The following GABRA3 variants were observed in gnomAD, a reference collection of about 807,000 sequenced individuals.
The protein encoded by GABRA3 is gamma-aminobutyric acid type A receptor subunit alpha3, also known as gamma-aminobutyric acid receptor subunit alpha-3.
In GABRA3, 10 loss-of-function variants were observed where a neutral mutation model predicts 30.1. That is an observed-to-expected ratio of 0.33 (90% confidence interval 0.20 to 0.56). The LOEUF (loss-of-function observed/expected upper bound fraction) is 0.56. Among genes scored for constraint, GABRA3 ranks in the 20% least tolerant of loss-of-function variants. The pLI is 0.89. For synonymous variants in GABRA3, 151 were observed against 146.8 expected, an observed-to-expected ratio of 1.03 and a Z score of -0.21; for missense variants, 233 against 392.0, an observed-to-expected ratio of 0.59 and a Z score of 3.42.
intron 5 of GABRA3, among the ~76,000 whole-genome samples, chrX:152,238,808 T>C (rs1288847291): frequency 2.8e-5 from 3 of 108,543 alleles, no homozygotes; most frequent in Non-Finnish European, 5.8e-5. Context: ...TCTCTGATGG[T>C]AGTTTGTATT....
Position 152,222,303 on chromosome X carries a change from T to A in GABRA3, c.634+2460A>T, listed in dbSNP as rs1021774337. ...GTTCTGCTTTTTTCTATTTATCAAT[T>A]TTTCAGTCATCTGATCCTGCCTTCT... On this transcript the variant is annotated intron_variant, in intron 6 of 9. Transcript: ENST00000370314. Among the ~76,000 whole-genome samples, 4 of 106,888 alleles carry A rather than the reference T, an allele frequency of 3.7e-5. No individual in the cohort carries two copies. The Admixed American group carries it at 4.1e-4, about 11-fold the overall frequency. 92.8% of individuals were successfully genotyped at this position (106,888 alleles called of 115,157 possible). A position where few individuals can be genotyped will look rare whatever the true frequency, so the allele number is the denominator to read the frequency against.
chrX:152,403,624 T>C (rs1296368801), intron 1 of GABRA3, among the ~76,000 whole-genome samples: 1 of 109,419 alleles, frequency 9.1e-6, no homozygotes, highest in Non-Finnish European at 1.9e-5. Flanking sequence ...GCAAATAGGA[T>C]TTGAAGGGCC....
At chrX:152,415,271 A>T (rs35292052) in intron 1 of GABRA3, among the ~76,000 whole-genome samples, 1 of 111,663 alleles carries the variant, frequency 9.0e-6, no homozygotes, top group South Asian at 3.7e-4. Context: ...AAAAGAATAT[A>T]TAGGAACTCT....
chrX:152,253,783 G>T (rs1001347392), intron 5 of GABRA3, among the ~76,000 whole-genome samples: 18 of 111,449 alleles, frequency 1.6e-4, no homozygotes, highest in Admixed American at 4.8e-4. Flanking sequence ...TGCTCACTTG[G>T]TTTTCTCTGT....
chrX:152,433,071 TC>T (rs1022951840), intron 1 of GABRA3, among the ~76,000 whole-genome samples: 2 of 110,782 alleles, frequency 1.8e-5, no homozygotes, highest in Non-Finnish European at 3.8e-5. Context: ...AAGAAAAAAA[TC>T]ATGCAATGAA....
chrX:152,184,332 T>C (rs950465621), intron 9 of GABRA3, among the ~76,000 whole-genome samples: 3 of 111,490 alleles, frequency 2.7e-5, no homozygotes, highest in Non-Finnish European at 5.7e-5. Context: ...CCCAGTATTA[T>C]TTGGTAACAG....
At chrX:152,281,254 C>A (rs1410635367) in intron 4 of GABRA3, among the ~76,000 whole-genome samples, 1 of 112,051 alleles carries the variant, frequency 8.9e-6, no homozygotes, top group Non-Finnish European at 1.9e-5. Flanking sequence ...TTTCCACCCT[C>A]TTCCTATACA....
intron 3 of GABRA3, among the ~76,000 whole-genome samples, chrX:152,345,088 G>A (rs1284269724): frequency 9.0e-6 from 1 of 111,168 alleles, no homozygotes; most frequent in African/African-American, 3.3e-5. Flanking sequence ...ATATGCTCAG[G>A]GTTTTGAAAA....
At chrX:152,327,610 A>G (rs1284991750) in intron 3 of GABRA3, among the ~76,000 whole-genome samples, 1 of 112,209 alleles carries the variant, frequency 8.9e-6, no homozygotes, top group Non-Finnish European at 1.9e-5. Flanking sequence ...TACTGGGTAC[A>G]TAACGAAATG....
intron 8 of GABRA3, among the ~76,000 whole-genome samples, chrX:152,194,681 C>T (rs1214640637): frequency 8.9e-6 from 1 of 111,824 alleles, no homozygotes; most frequent in Non-Finnish European, 1.9e-5. Context: ...CATGATCAAT[C>T]TCAAATTAAT....
chrX:152,306,256 C>T (rs745352494), intron 3 of GABRA3, among the ~76,000 whole-genome samples: 81 of 111,624 alleles, frequency 7.3e-4, no homozygotes, highest in Non-Finnish European at 1.2e-3. Context: ...AAAACTAGCA[C>T]GACAATTTTG....
intron 4 of GABRA3, among the ~76,000 whole-genome samples, chrX:152,267,584 A>G (rs1184709043): frequency 9.0e-6 from 1 of 111,158 alleles, no homozygotes; most frequent in Non-Finnish European, 1.9e-5. Flanking sequence ...GTGAATTGGT[A>G]TTATTAATTT....
At chrX:152,441,086 G>C (rs1465443923) in intron 1 of GABRA3, among the ~76,000 whole-genome samples, 2 of 110,521 alleles carry the variant, frequency 1.8e-5, no homozygotes, top group Non-Finnish European at 3.8e-5. Context: ...AAAAGAACTG[G>C]CTGCAAAGGG....
At chrX:152,387,317 A>T (rs1929350944) in intron 1 of GABRA3, among the ~76,000 whole-genome samples, 1 of 111,816 alleles carries the variant, frequency 8.9e-6, no homozygotes, top group Admixed American at 9.5e-5. Context: ...GAAGCCACAA[A>T]GGAAAATCAT....
At chrX:152,270,828 C>T (rs1220050581) in intron 4 of GABRA3, among the ~76,000 whole-genome samples, 1 of 106,425 alleles carries the variant, frequency 9.4e-6, no homozygotes, top group Non-Finnish European at 1.9e-5. Context: ...ACACTTCAGC[C>T]TGGGTGACAG....
At chrX:152,197,257 A>G (rs1340117324) in intron 8 of GABRA3, among the ~76,000 whole-genome samples, 1 of 111,660 alleles carries the variant, frequency 9.0e-6, no homozygotes, top group Admixed American at 9.5e-5. Context: ...CGCTCATACA[A>G]AAAAAGCAGA....
chrX:152,180,810 G>A (rs1175434609), intron 9 of GABRA3, among the ~76,000 whole-genome samples: 1 of 111,926 alleles, frequency 8.9e-6, no homozygotes, highest in African/African-American at 3.2e-5. Flanking sequence ...TTTCTTCATT[G>A]TGTGTTCTAG....
chrX:152,415,590 C>T (rs1930190840), intron 1 of GABRA3, among the ~76,000 whole-genome samples: 1 of 110,615 alleles, frequency 9.0e-6, no homozygotes, highest in Non-Finnish European at 1.9e-5. Context: ...GAACTATAGA[C>T]ATAGAGACAC....
intron 3 of GABRA3, among the ~76,000 whole-genome samples, chrX:152,335,792 G>A (rs757806914): frequency 9.1e-6 from 1 of 110,491 alleles, no homozygotes; most frequent in Non-Finnish European, 1.9e-5. Context: ...GCACAGTTAT[G>A]GCTCACTGCC....
Sources: allele counts gnomAD v4.1 joint callset (sites outside exome capture counted in the v4.1 genomes callset), GRCh38; gene constraint gnomAD v4.1.1; transcripts MANE v1.5; gene names NCBI Gene and HGNC (gene_info 2026-07-23, HGNC 2026-07-21).